TFCP2: variants seen among roughly 807,000 people sequenced by gnomAD.
TFCP2 encodes alpha-globin transcription factor CP2.
A neutral mutation model predicts 73.4 loss-of-function variants in TFCP2; 33 were observed. The observed-to-expected ratio is 0.45, with a 90% CI of 0.34 to 0.60. The LOEUF (loss-of-function observed/expected upper bound fraction) is 0.60, where lower values mean the gene tolerates loss of function less well. TFCP2 is among the 20% of genes least tolerant of loss of function. The pLI is 0.01. For synonymous variants in TFCP2, 193 were observed against 211.6 expected, an observed-to-expected ratio of 0.91 and a Z score of 0.76; for missense variants, 352 against 604.0, an observed-to-expected ratio of 0.58 and a Z score of 4.37.
intron 4 of TFCP2, among the ~76,000 whole-genome samples, chr12:51,114,290 C>T (rs4768964): frequency 0.78 from 119,321 of 152,146 alleles, 46,939 homozygotes; most frequent in Admixed American, 0.83. Flanking sequence ...AAGACTTGAA[C>T]AGACATTTCT....
At chr12:51,098,491 T>A (rs940329699) in intron 13 of TFCP2, among the ~76,000 whole-genome samples, 4 of 151,970 alleles carry the variant, frequency 2.6e-5, no homozygotes, top group African/African-American at 9.7e-5. Flanking sequence ...CCAGGCGTGG[T>A]GGCGCACGCC....
rs115155833 is a variant in TFCP2 at position 51,169,182 on chromosome 12, T to C, written c.122+3119A>G. Among the ~76,000 whole-genome samples, 983 of 152,172 alleles carry C rather than the reference T, an allele frequency of 6.5e-3. 13 individuals are homozygous for C. The highest frequency in any genetic ancestry group is 0.022 in the African/African-American group (926 of 41,512). On this transcript the variant is annotated intron_variant, in intron 1 of 14. Transcript: ENST00000257915. ...AAGACCAATATCTAATTAACACAAA[T>C]TAATAGAATAGATTAAATGTGTATA...
chr12:51,142,519 C>A (rs941208447), intron 1 of TFCP2, among the ~76,000 whole-genome samples: 1 of 152,146 alleles, frequency 6.6e-6, no homozygotes, highest in Non-Finnish European at 1.5e-5. Context: ...GCTCCTGATG[C>A]AACGAAGGCT....
chr12:51,159,381 A>G lies in TFCP2; in HGVS notation c.122+12920T>C, dbSNP rs550223827. On this transcript the variant is annotated intron_variant, in intron 1 of 14. Transcript: ENST00000257915. Reference sequence around the variant, plus strand: ...GAGACCGAGTCTCGCTCTGTCACCCAGGCTGGAGTGCAATGGCGTGATCTT... The same window carrying G: ...GAGACCGAGTCTCGCTCTGTCACCCGGGCTGGAGTGCAATGGCGTGATCTT... Among the ~76,000 whole-genome samples, 37 of 151,490 alleles carry G rather than the reference A, an allele frequency of 2.4e-4. No individual in the cohort carries two copies. In the East Asian group the frequency reaches 7.3e-3, roughly 30 times the overall value.
chr12:51,113,330 C>T (rs4768966), intron 4 of TFCP2, among the ~76,000 whole-genome samples: 149,874 of 152,328 alleles, frequency 0.98, 73,770 homozygotes, highest in Middle Eastern at 1. Flanking sequence ...GAGAGGCAGA[C>T]ACCATGAAAA....
intron 4 of TFCP2, among the ~76,000 whole-genome samples, chr12:51,115,150 C>T (rs1342356805): frequency 4.0e-5 from 5 of 124,628 alleles, no homozygotes; most frequent in Admixed American, 1.8e-4. Context: ...GAGAGAGTCT[C>T]GCTCTGTCAC....
intron 1 of TFCP2, among the ~76,000 whole-genome samples, chr12:51,160,881 G>C (rs1026811130): frequency 6.6e-5 from 10 of 152,320 alleles, no homozygotes; most frequent in Middle Eastern, 3.4e-3. Context: ...TTCTGCTGCA[G>C]CTTGCTGGTG....
chr12:51,140,445 CT>C (rs768526922), intron 1 of TFCP2, among the ~76,000 whole-genome samples: 3,836 of 87,888 alleles, frequency 0.044, 63 homozygotes, highest in East Asian at 0.12. Flanking sequence ...TTTTCTTTTT[CT>C]TTTTTTTTTT....
chr12:51,160,446 T>C (rs1941625385), intron 1 of TFCP2, among the ~76,000 whole-genome samples: 1 of 152,190 alleles, frequency 6.6e-6, no homozygotes, highest in Non-Finnish European at 1.5e-5. Flanking sequence ...TGAATTTTTT[T>C]TTTTTTACTC....
intron 1 of TFCP2, among the ~76,000 whole-genome samples, chr12:51,151,940 A>G (rs1466678209): frequency 1.3e-5 from 2 of 152,228 alleles, no homozygotes; most frequent in African/African-American, 2.4e-5. Flanking sequence ...TAATAAATGT[A>G]GAGGGAAGGC....
At chr12:51,136,596 C>A (rs1299898477) in intron 1 of TFCP2, among the ~76,000 whole-genome samples, 1 of 152,148 alleles carries the variant, frequency 6.6e-6, no homozygotes, top group Non-Finnish European at 1.5e-5. Context: ...GTATTCCCCT[C>A]CAGTTTCAAA....
intron 6 of TFCP2, among the ~76,000 whole-genome samples, chr12:51,108,239 C>T (rs949035341): frequency 2.0e-5 from 3 of 151,270 alleles, no homozygotes; most frequent in African/African-American, 7.3e-5. Context: ...TGAGCTGGCA[C>T]TGCACCACTG....
intron 1 of TFCP2, among the ~76,000 whole-genome samples, chr12:51,142,973 C>A (rs1264774990): frequency 6.6e-6 from 1 of 150,864 alleles, no homozygotes; most frequent in Non-Finnish European, 1.5e-5. Flanking sequence ...CTAAATTTAC[C>A]ACTCTCTTCT....
intron 1 of TFCP2, among the ~76,000 whole-genome samples, chr12:51,120,903 G>A (rs952701692): frequency 2.8e-4 from 33 of 117,128 alleles, no homozygotes; most frequent in Middle Eastern, 6.2e-3. Flanking sequence ...TAGCGAGACT[G>A]TGTCTCAAAA....
At chr12:51,104,093 T>C (rs1940174516) in intron 9 of TFCP2, 62 bp downstream of exon 9, 4 of 1,509,506 alleles carry the variant, frequency 2.6e-6, no homozygotes, top group Non-Finnish European at 2.8e-6. Flanking sequence ...TTCTACTGAA[T>C]TGGACAGTCA....
intron 5 of TFCP2, among the ~76,000 whole-genome samples, chr12:51,109,740 C>T (rs1178147395): frequency 1.5e-5 from 2 of 134,608 alleles, no homozygotes; most frequent in African/African-American, 5.6e-5. Flanking sequence ...TTTTTTGAGA[C>T]TAAGTTTTGC....
chr12:51,160,918 C>T (rs1453755879), intron 1 of TFCP2, among the ~76,000 whole-genome samples: 7 of 152,128 alleles, frequency 4.6e-5, no homozygotes, highest in Non-Finnish European at 1.5e-5. Context: ...GGGCTTTGTC[C>T]TCCAAAAATT....
At chr12:51,141,942 C>T (rs1216285665) in intron 1 of TFCP2, among the ~76,000 whole-genome samples, 2 of 147,002 alleles carry the variant, frequency 1.4e-5, no homozygotes, top group African/African-American at 5.0e-5. Context: ...CAGTGGCTCA[C>T]GCCTGTAATC....
intron 4 of TFCP2, among the ~76,000 whole-genome samples, chr12:51,112,364 C>A (rs552264268): frequency 3.9e-5 from 6 of 152,222 alleles, no homozygotes; most frequent in African/African-American, 1.4e-4. Flanking sequence ...AGGCAGTTTC[C>A]TTTTAATTTG....
Sources: allele counts gnomAD v4.1 joint callset (sites outside exome capture counted in the v4.1 genomes callset), GRCh38; gene constraint gnomAD v4.1.1; transcripts MANE v1.5; gene names NCBI Gene and HGNC (gene_info 2026-07-23, HGNC 2026-07-21).